Variants in SLC2A9 observed in about 807,000 individuals in gnomAD.
The protein encoded by SLC2A9 is solute carrier family 2 member 9.
In SLC2A9, 39 loss-of-function variants were observed where a neutral mutation model predicts 50.6. The ratio of observed to expected loss-of-function variants is 0.77; its 90% CI spans 0.60 to 1.01. The LOEUF is 1.01. SLC2A9 is among the 50% of genes least tolerant of loss of function. The pLI is 0.00. For synonymous variants in SLC2A9, 324 were observed against 276.9 expected (o/e 1.17, Z -1.69); for missense variants, 686 against 677.6 (o/e 1.01, Z -0.14).
At chr4:9,805,630 G>T (rs1577337965) in intron 3 of SLC2A9, among the ~76,000 whole-genome samples, 1 of 150,196 alleles carries the variant, frequency 6.7e-6, no homozygotes, top group African/African-American at 2.5e-5. Context: ...GAACCTGGAA[G>T]ATGGAGGTTG....
chr4:9,916,108 G>A (rs554603255), intron 7 of SLC2A9, among the ~76,000 whole-genome samples: 3 of 152,224 alleles, frequency 2.0e-5, no homozygotes, highest in South Asian at 4.1e-4. Flanking sequence ...TAGAGAAAGC[G>A]TAAGAAATCT....
chr4:9,898,489 A>G (rs770085224), intron 8 of SLC2A9, among the ~76,000 whole-genome samples: 1 of 152,156 alleles, frequency 6.6e-6, no homozygotes. Flanking sequence ...TTCAATGTGT[A>G]TATCTCTCTA....
chr4:9,985,990 A>G (rs1326459083), intron 3 of SLC2A9, among the ~76,000 whole-genome samples, 197 bp from the exon 4 acceptor site: 2 of 152,198 alleles, frequency 1.3e-5, no homozygotes, highest in Non-Finnish European at 1.5e-5. Flanking sequence ...TCACTTACAA[A>G]GGCACCATCA....
chr4:10,027,657 A>T (rs918500182), intron 1 of SLC2A9, among the ~76,000 whole-genome samples: 1 of 151,894 alleles, frequency 6.6e-6, no homozygotes, highest in Non-Finnish European at 1.5e-5. Flanking sequence ...CAGCCTCCTG[A>T]GTCTGGAGCA....
At chr4:9,906,452 A>G (rs113879270) in intron 8 of SLC2A9, among the ~76,000 whole-genome samples, 57 of 152,152 alleles carry the variant, frequency 3.7e-4, no homozygotes, top group African/African-American at 1.3e-3. Flanking sequence ...ACAAAAAAAT[A>G]ATAAATAAGA....
At chr4:9,799,374 G>A (rs1406029179) in intron 3 of SLC2A9, 1 of 152,238 alleles carries the variant, frequency 6.6e-6, no homozygotes, top group Non-Finnish European at 1.5e-5. Context: ...GTGTCTTGGT[G>A]AGGGCTTGCT....
rs193015978 is a variant in SLC2A9, at chr4:9,987,791, G to A, written c.411-1998C>T. Among the ~76,000 whole-genome samples, 399 of 151,770 alleles carry A rather than the reference G, an allele frequency of 2.6e-3. 4 individuals carry two copies. Among genetic ancestry groups the A allele is most frequent in the Middle Eastern group, 0.02 (6 of 294 alleles). On this transcript the variant is annotated intron_variant, in intron 3 of 11. Coordinates refer to ENST00000264784, the MANE Select transcript of SLC2A9 (RefSeq NM_020041.3). ...TGCAGTGAGCCAAGATCATGCCACCGCACTCCAACCTGGGTGACAGAGCGA... is the reference window on the plus strand; with the variant it reads ...TGCAGTGAGCCAAGATCATGCCACCACACTCCAACCTGGGTGACAGAGCGA...
chr4:9,821,237 T>C (rs1724357782), downstream of SLC2A9, among the ~76,000 whole-genome samples: 1 of 152,186 alleles, frequency 6.6e-6, no homozygotes, highest in South Asian at 2.1e-4. Flanking sequence ...AATTGACTGA[T>C]TTTGGAATAT....
chr4:9,921,491 G>GCGGA (rs994803781), intron 6 of SLC2A9, among the ~76,000 whole-genome samples: 6 of 152,316 alleles, frequency 3.9e-5, no homozygotes, highest in African/African-American at 1.4e-4. Flanking sequence ...GCTGGCTCCT[G>GCGGA]CGGACAGTCC....
intron 10 of SLC2A9, among the ~76,000 whole-genome samples, chr4:9,845,433 T>C (rs888860485): frequency 5.3e-5 from 7 of 131,896 alleles, no homozygotes; most frequent in African/African-American, 1.9e-4. Flanking sequence ...ATTTCTTTTT[T>C]TTTTTTTTTT....
chr4:9,846,236 G>C (rs13119059), intron 10 of SLC2A9, among the ~76,000 whole-genome samples: 71,829 of 152,110 alleles, frequency 0.47, 19,660 homozygotes, highest in Non-Finnish European at 0.63. Context: ...CTCCCAAACA[G>C]ATGTGTTCCA....
At chr4:9,990,313 C>G (rs559066553) in intron 3 of SLC2A9, among the ~76,000 whole-genome samples, 3 of 152,280 alleles carry the variant, frequency 2.0e-5, no homozygotes, top group African/African-American at 7.2e-5. Flanking sequence ...GCATTTTCCA[C>G]CCATCCTTCC....
At chr4:9,855,036 T>G (rs1201869360) in intron 10 of SLC2A9, among the ~76,000 whole-genome samples, 1 of 152,078 alleles carries the variant, frequency 6.6e-6, no homozygotes, top group Non-Finnish European at 1.5e-5. Flanking sequence ...AACATCCCCC[T>G]TGAGAACTAG....
chr4:9,931,962 C>CTCTA lies in SLC2A9; in HGVS notation c.814+9950_814+9951insTAGA, dbSNP rs1560329576. Among the ~76,000 whole-genome samples the CTCTA allele has an allele frequency of 9.6e-4, 14 of 14,576 alleles. 1 individual carries two copies. Among genetic ancestry groups the CTCTA allele is most frequent in the Non-Finnish European group, 1.2e-3 (11 of 8,914 alleles). The allele number at this position is 14,576 out of a possible 152,430, so 9.6% of individuals were successfully genotyped here. A position where few individuals can be genotyped will look rare whatever the true frequency, so the allele number is the denominator to read the frequency against. ...TCTCTCTCTCTCTCTCTCTCTCTCTCTATATATATATATATATATATATAT... is the reference window on the plus strand; with the variant it reads ...TCTCTCTCTCTCTCTCTCTCTCTCTCTCTATATATATATATATATATATATATAT... On this transcript the variant is annotated intron_variant, in intron 6 of 11. Coordinates refer to ENST00000264784, the MANE Select transcript of SLC2A9 (RefSeq NM_020041.3).
intron 8 of SLC2A9, among the ~76,000 whole-genome samples, chr4:9,901,737 G>A (rs1413311737): frequency 1.3e-5 from 2 of 151,980 alleles, no homozygotes; most frequent in Non-Finnish European, 2.9e-5. Flanking sequence ...TTGGGCTGCT[G>A]CAGACATCCC....
chr4:10,019,218 C>T lies in SLC2A9; in HGVS notation c.151-145G>A, dbSNP rs1023155438. 87 of 699,992 alleles carry T rather than the reference C, an allele frequency of 1.2e-4. No individual in the cohort carries two copies. In the Admixed American group the frequency reaches 1.6e-3, roughly 13 times the overall value. The allele number at this position is 699,992 out of a possible 1,614,324, so 43.4% of individuals were successfully genotyped here. On this transcript the variant is annotated intron_variant, in intron 1 of 11. Transcript: ENST00000264784. ...CTGGGGTAGAGACAGAGAGAAGAGA[C>T]GCAAGTTGGGGACCTGCAAGTAGGG...
intron 5 of SLC2A9, among the ~76,000 whole-genome samples, chr4:9,966,195 C>T (rs1578117488): frequency 6.6e-6 from 1 of 151,746 alleles, no homozygotes; most frequent in Non-Finnish European, 1.5e-5. Flanking sequence ...GCAGACTATC[C>T]GAAAAAAAAT....
rs139967257 is a variant in SLC2A9, at chr4:9,996,891, T to C, written c.300A>G (p.Pro100=). 13 of 1,614,200 alleles carry C rather than the reference T, an allele frequency of 8.1e-6. No homozygotes were observed. The African/African-American group carries it at 1.7e-4, about 22-fold the overall frequency. ...GCAAAGTCAGAGTGTCTGGGTCTATTGGACGTCCATGCCTTCTTTCCCATG... is the reference window on the plus strand; with the variant it reads ...GCAAAGTCAGAGTGTCTGGGTCTATCGGACGTCCATGCCTTCTTTCCCATG... ...NESWERRHGR[P]IDPDTLTLLW... Residue 100 remains proline (P), a synonymous_variant, in exon 3 of 12, where the codon CCA becomes CCG. Coordinates refer to ENST00000264784, the MANE Select transcript of SLC2A9 (RefSeq NM_020041.3).
chr4:10,017,235 A>G (rs1762765537), intron 2 of SLC2A9, among the ~76,000 whole-genome samples: 1 of 152,162 alleles, frequency 6.6e-6, no homozygotes, highest in African/African-American at 2.4e-5. Context: ...TTGAACCCAT[A>G]TCATTCTATC....
Sources: allele counts gnomAD v4.1 joint callset (sites outside exome capture counted in the v4.1 genomes callset), GRCh38; gene constraint gnomAD v4.1.1; transcripts MANE v1.5; gene names NCBI Gene and HGNC (gene_info 2026-07-23, HGNC 2026-07-21).